ARHGAP24: variants seen among roughly 807,000 people sequenced by gnomAD.
The protein encoded by ARHGAP24 is Rho GTPase activating protein 24.
A neutral mutation model predicts 76.4 loss-of-function variants in ARHGAP24; 50 were observed. The ratio of observed to expected loss-of-function variants is 0.65; its 90% CI spans 0.52 to 0.83. The LOEUF (loss-of-function observed/expected upper bound fraction) is 0.83. ARHGAP24 is among the 40% of genes least tolerant of loss of function. The probability of loss-of-function intolerance (pLI) is 0.00; values close to 1 mark genes in which losing one functional copy is unlikely to be tolerated. For missense variants in ARHGAP24, 930 were observed against 914.2 expected, an observed-to-expected ratio of 1.02 and a Z score of -0.22; for synonymous variants, 345 against 323.3, an observed-to-expected ratio of 1.07 and a Z score of -0.72.
intron 1 of ARHGAP24, among the ~76,000 whole-genome samples, chr4:85,526,143 G>A (rs1332106732): frequency 2.0e-5 from 3 of 152,008 alleles, no homozygotes; most frequent in East Asian, 3.9e-4. Flanking sequence ...GGGTATGGTG[G>A]CTCACACCTG....
At chr4:85,493,959 TCTCTTC>T (rs1723457098) in intron 1 of ARHGAP24, among the ~76,000 whole-genome samples, 1 of 152,184 alleles carries the variant, frequency 6.6e-6, no homozygotes, top group African/African-American at 2.4e-5. Flanking sequence ...TTACTTTTCT[TCTCTTC>T]CTCATCGTGA....
chr4:85,774,907 ATGCCTGTTTTATACTAGATAC>A (rs1302366827), intron 3 of ARHGAP24, among the ~76,000 whole-genome samples: 1 of 152,178 alleles, frequency 6.6e-6, no homozygotes, highest in African/African-American at 2.4e-5. Context: ...TATTTGTCAA[ATGCCTGTTTTATACTAGATAC>A]TGTTCTGAAC....
chr4:85,546,709 G>A (rs1429116878), intron 1 of ARHGAP24, among the ~76,000 whole-genome samples: 3 of 152,248 alleles, frequency 2.0e-5, no homozygotes, highest in African/African-American at 7.2e-5. Context: ...AAACCTATTG[G>A]TGGTGGTCCA....
At chr4:85,787,154 G>T (rs573879944) in intron 3 of ARHGAP24, among the ~76,000 whole-genome samples, 1 of 152,166 alleles carries the variant, frequency 6.6e-6, no homozygotes, top group Non-Finnish European at 1.5e-5. Context: ...CCGGCCTGTC[G>T]CAGTGGACAT....
intron 3 of ARHGAP24, among the ~76,000 whole-genome samples, chr4:85,793,659 G>A (rs1444267318): frequency 1.3e-5 from 2 of 152,066 alleles, no homozygotes; most frequent in Non-Finnish European, 2.9e-5. Flanking sequence ...TAAAATATGT[G>A]AGGGAATGAG....
In ARHGAP24 at chr4:85,733,060, C is replaced by CTTTTTTTTTTTTTTTTTTTTTT; in HGVS notation, c.268+11109_268+11110insTTTTTTTTTTTTTTTTTTTTTT. The stretch of plus-strand genomic sequence containing the variant: ...CTATAGATCTTATAGGCCTCACCAA[C>CTTTTTTTTTTTTTTTTTTTTTT]TTTTTTTTTTTTTTTTTTTTTGAGA... On this transcript the variant is annotated intron_variant, in intron 3 of 9. Coordinates refer to ENST00000395184, the MANE Select transcript of ARHGAP24 (RefSeq NM_001025616.3). Among the ~76,000 whole-genome samples the CTTTTTTTTTTTTTTTTTTTTTT allele has an allele frequency of 6.2e-3, 340 of 55,210 alleles. 140 individuals carry two copies. Among genetic ancestry groups the CTTTTTTTTTTTTTTTTTTTTTT allele is most frequent in the East Asian group, 0.02 (34 of 1,734 alleles). 36.2% of individuals were successfully genotyped at this position (55,210 alleles called of 152,430 possible).
intron 5 of ARHGAP24, among the ~76,000 whole-genome samples, chr4:85,967,654 CT>C (rs1738703972): frequency 6.6e-6 from 1 of 152,134 alleles, no homozygotes; most frequent in South Asian, 2.1e-4. Flanking sequence ...CTTGTGCTGC[CT>C]TTTTCCTACC....
intron 1 of ARHGAP24, among the ~76,000 whole-genome samples, chr4:85,539,355 C>G (rs894619775): frequency 6.6e-6 from 1 of 152,026 alleles, no homozygotes; most frequent in Non-Finnish European, 1.5e-5. Flanking sequence ...TTTTTTTGTA[C>G]TAAGCTGACA....
chr4:85,886,928 T>A (rs1733598449), intron 3 of ARHGAP24, among the ~76,000 whole-genome samples: 1 of 152,158 alleles, frequency 6.6e-6, no homozygotes, highest in Admixed American at 6.5e-5. Context: ...TAAGAGATTT[T>A]ATTATATATA....
At chr4:85,576,962 A>T (rs1220011930) in intron 2 of ARHGAP24, among the ~76,000 whole-genome samples, 3 of 152,022 alleles carry the variant, frequency 2.0e-5, no homozygotes, top group Non-Finnish European at 4.4e-5. Flanking sequence ...TTATGATAGT[A>T]AATACTTCAT....
intron 4 of ARHGAP24, chr4:85,930,727 G>A: frequency 7.8e-7 from 1 of 1,283,500 alleles, no homozygotes. Context: ...AAGAGAAAAG[G>A]AAGTTTTTTT....
chr4:85,514,288 T>A (rs996160667), intron 1 of ARHGAP24, among the ~76,000 whole-genome samples: 5 of 152,256 alleles, frequency 3.3e-5, no homozygotes, highest in African/African-American at 1.2e-4. Flanking sequence ...GCACCCTTGA[T>A]TGGTGTTATT....
intron 1 of ARHGAP24, among the ~76,000 whole-genome samples, chr4:85,553,211 T>G (rs371661648): frequency 4.6e-5 from 7 of 152,132 alleles, no homozygotes; most frequent in Non-Finnish European, 8.8e-5. Flanking sequence ...ATAAAGGTAG[T>G]GTGGACCCAA....
chr4:85,801,182 A>G (rs752696036), intron 3 of ARHGAP24, among the ~76,000 whole-genome samples: 4 of 152,108 alleles, frequency 2.6e-5, no homozygotes, highest in Non-Finnish European at 5.9e-5. Flanking sequence ...TAACAGTATA[A>G]TTAGGTGATA....
At chr4:85,916,702 C>A (rs1221088206) in intron 3 of ARHGAP24, among the ~76,000 whole-genome samples, 1 of 152,122 alleles carries the variant, frequency 6.6e-6, no homozygotes, top group Non-Finnish European at 1.5e-5. Flanking sequence ...AAGTTATTAA[C>A]AGCATCTGAG....
intron 8 of ARHGAP24, among the ~76,000 whole-genome samples, chr4:85,979,918 T>C (rs1428838998): frequency 1.3e-5 from 2 of 152,266 alleles, no homozygotes; most frequent in Non-Finnish European, 2.9e-5. Context: ...TTGTAAGTAC[T>C]GTCCTTCACT....
intron 1 of ARHGAP24, among the ~76,000 whole-genome samples, chr4:85,514,217 T>C (rs369561671): frequency 1.0e-3 from 153 of 152,292 alleles, no homozygotes; most frequent in Middle Eastern, 6.8e-3. Context: ...CTACATACTG[T>C]CTCAGAGGAT....
intron 2 of ARHGAP24, among the ~76,000 whole-genome samples, chr4:85,642,796 G>A (rs1445439654): frequency 6.6e-6 from 1 of 152,138 alleles, no homozygotes; most frequent in African/African-American, 2.4e-5. Context: ...ATAATGGACA[G>A]AGTGATTCTT....
chr4:85,711,992 G>A (rs907360883), intron 2 of ARHGAP24, among the ~76,000 whole-genome samples: 2 of 152,150 alleles, frequency 1.3e-5, no homozygotes, highest in Admixed American at 1.3e-4. Context: ...GTTTCATAAT[G>A]AGACACAAAC....
Sources: gnomAD v4.1 joint callset for allele counts (sites outside exome capture counted in the v4.1 genomes callset) on GRCh38, gnomAD v4.1.1 for gene constraint, MANE v1.5 for transcripts, NCBI Gene and HGNC (gene_info 2026-07-23, HGNC 2026-07-21) for gene names.